ZNRF3: variants seen among roughly 807,000 people sequenced by gnomAD.
ZNRF3 encodes the protein zinc and ring finger 3.
Under a neutral mutation model 72.5 loss-of-function variants are expected in ZNRF3, and 23 were observed. That is an observed-to-expected ratio of 0.32 (90% CI 0.23 to 0.45). The LOEUF is 0.45. Among genes scored for constraint, ZNRF3 ranks in the 20% least tolerant of loss-of-function variants. The pLI, the probability that ZNRF3 is intolerant of heterozygous loss-of-function variation, is 1.00. For synonymous variants in ZNRF3, 610 were observed against 545.3 expected, an observed-to-expected ratio of 1.12 and a Z score of -1.65; for missense variants, 1,169 against 1,272.1, an observed-to-expected ratio of 0.92 and a Z score of 1.23.
chr22:28,883,954 T>C lies in ZNRF3; in HGVS notation c.188T>C (p.Val63Ala). The change falls in exon 1 of 9, where the codon GTG becomes GCG. Residue 63 changes from valine to alanine, a missense_variant. By Grantham distance (64) the Val-to-Ala change is moderately conservative. This residue lies in a region of ZNRF3 where 386 missense variants were observed against 540.7 expected (regional missense o/e 0.71). Coordinates refer to ENST00000544604, the MANE Select transcript of ZNRF3 (RefSeq NM_001206998.2). The surrounding 1 kb of genome is among the most constrained non-coding windows in gnomAD (Gnocchi z 5.5). ...ARAKETAFVE[V>A]VLFESSPSGD... ...GCCAAGGAGACGGCGTTCGTGGAGGTGGTGCTGTTCGAGTCGAGCCCAAGC... is the reference window on the plus strand; with the variant it reads ...GCCAAGGAGACGGCGTTCGTGGAGGCGGTGCTGTTCGAGTCGAGCCCAAGC... The C allele has an allele frequency of 7.8e-7, 1 of 1,283,658 alleles. No individual in the cohort carries two copies. The highest frequency in any genetic ancestry group is 1.0e-6 in the Non-Finnish European group (1 of 995,820). 79.5% of individuals were successfully genotyped at this position (1,283,658 alleles called of 1,614,324 possible).
intron 1 of ZNRF3, among the ~76,000 whole-genome samples, chr22:28,887,465 G>C (rs1279726940): frequency 6.6e-6 from 1 of 151,998 alleles, no homozygotes; most frequent in Non-Finnish European, 1.5e-5. Flanking sequence ...CTTAGGATTC[G>C]TCATCAGGAA....
rs1249386588 is a variant in ZNRF3 at position 29,043,376 on chromosome 22, C to T, written c.579C>T (p.Asn193=). 1.2e-6 allele frequency: 2 copies of T among 1,613,980 alleles called. No individual in the cohort carries two copies. Among genetic ancestry groups the T allele is most frequent in the East Asian group, 2.2e-5 (1 of 44,866 alleles). ...GTGCAGATGCCATTAAGCTGATGAA[C>T]ATCGTCAACAAGCAGAAAGTGGCTC... ...VKGADAIKLM[N]IVNKQKVARA... The change falls in exon 4 of 9, where the codon AAC becomes AAT. Residue 193 remains asparagine, a synonymous_variant. Coordinates refer to ENST00000544604, the MANE Select transcript of ZNRF3 (RefSeq NM_001206998.2).
At position 28,883,913 on chromosome 22, in the gene ZNRF3, G is replaced by A; in HGVS notation, c.147G>A (p.Gly49=). 8.5e-7 allele frequency: 1 copy of A among 1,172,502 alleles called. No homozygotes were observed. Among genetic ancestry groups the A allele is most frequent in the Non-Finnish European group, 1.1e-6 (1 of 934,538 alleles). The allele number at this position is 1,172,502 out of a possible 1,614,324, so 72.6% of individuals were successfully genotyped here. ...LLLGLLLAAA[G]PGAARAKETA... ...TCGGGCTGCTGCTGGCGGCCGCGGG[G>A]CCCGGCGCGGCGCGGGCCAAGGAGA... Residue 49 remains glycine (G), a synonymous_variant, in exon 1 of 9, where the codon GGG becomes GGA. Coordinates refer to ENST00000544604, the MANE Select transcript of ZNRF3 (RefSeq NM_001206998.2). The surrounding 1 kb of genome is among the most constrained non-coding windows in gnomAD (Gnocchi z 5.5).
intron 1 of ZNRF3, among the ~76,000 whole-genome samples, chr22:28,926,465 C>A (rs2034603084): frequency 6.6e-6 from 1 of 151,206 alleles, no homozygotes; most frequent in Non-Finnish European, 1.5e-5. Context: ...GGATTATACA[C>A]ACATCACCCT....
At chr22:28,943,830 TAA>T (rs1471392155) in intron 1 of ZNRF3, among the ~76,000 whole-genome samples, 1 of 152,138 alleles carries the variant, frequency 6.6e-6, no homozygotes, top group African/African-American at 2.4e-5. Context: ...CCCAAAGCAT[TAA>T]GTTTTTGTTT....
chr22:28,883,955 G>A lies in ZNRF3; in HGVS notation c.189G>A (p.Val63=). ...CCAAGGAGACGGCGTTCGTGGAGGT[G>A]GTGCTGTTCGAGTCGAGCCCAAGCG... ...ARAKETAFVE[V]VLFESSPSGD... The change falls in exon 1 of 9, where the codon GTG becomes GTA. Residue 63 remains valine, a synonymous_variant. Transcript: ENST00000544604. The surrounding 1 kb of genome is among the most constrained non-coding windows in gnomAD (Gnocchi z 5.5). The A allele has an allele frequency of 7.8e-7, 1 of 1,289,208 alleles. No homozygotes were observed. The highest frequency in any genetic ancestry group is 2.7e-5 in the Admixed American group (1 of 36,538). 79.9% of individuals were successfully genotyped at this position (1,289,208 alleles called of 1,614,324 possible).
At chr22:29,009,564 T>G (rs1389592066) in intron 2 of ZNRF3, among the ~76,000 whole-genome samples, 1 of 152,226 alleles carries the variant, frequency 6.6e-6, no homozygotes, top group Non-Finnish European at 1.5e-5. Flanking sequence ...TGCTGTGTAT[T>G]ACTGTTCTGT....
Position 29,049,399 on chromosome 22 carries a change from C to T in ZNRF3, c.1218C>T (p.Ser406=). 6.2e-7 allele frequency: 1 copy of T among 1,610,722 alleles called. No homozygotes were observed. The highest frequency in any genetic ancestry group is 1.1e-5 in the South Asian group (1 of 90,974). The part of the protein sequence containing the change: ...LLTMDRHGEQ[S]LYSPQTPAYI... ...CCATGGACCGGCACGGGGAGCAGAGCCTCTATTCCCCGCAGACCCCCGCCT... is the reference window on the plus strand; with the variant it reads ...CCATGGACCGGCACGGGGAGCAGAGTCTCTATTCCCCGCAGACCCCCGCCT... Residue 406 remains serine (S), a synonymous_variant, in exon 8 of 9, where the codon AGC becomes AGT. Coordinates refer to ENST00000544604, the MANE Select transcript of ZNRF3 (RefSeq NM_001206998.2). This position sits in a 1 kb window ranked among gnomAD's most constrained non-coding sequence, Gnocchi z 5.2.
chr22:28,906,141 G>A (rs773207964), intron 1 of ZNRF3, among the ~76,000 whole-genome samples: 8 of 152,198 alleles, frequency 5.3e-5, no homozygotes, highest in Non-Finnish European at 1.0e-4. Context: ...CCTGGGCAAC[G>A]TGGTGAAACC....
rs528436233 is a variant in ZNRF3 at position 28,911,051 on chromosome 22, T to A, written c.300+26985T>A. ...TGGTCTGTCATTTAAGTGGGATCTATTGGATTCAGCCTTTCTGAGCCTCAG... is the reference window on the plus strand; with the variant it reads ...TGGTCTGTCATTTAAGTGGGATCTAATGGATTCAGCCTTTCTGAGCCTCAG... On this transcript the variant is annotated intron_variant, in intron 1 of 8. Transcript: ENST00000544604. 5.3e-5 allele frequency among the ~76,000 whole-genome samples: 8 copies of A among 152,262 alleles called. No individual in the cohort carries two copies. In the South Asian group the frequency reaches 1.7e-3, roughly 32 times the overall value.
At chr22:28,896,388 C>G (rs1375114441) in intron 1 of ZNRF3, among the ~76,000 whole-genome samples, 1 of 152,208 alleles carries the variant, frequency 6.6e-6, no homozygotes, top group African/African-American at 2.4e-5. Flanking sequence ...CCGCCTCGGC[C>G]TCCCAAAGTG....
At chr22:28,925,149 G>A (rs1444396054) in intron 1 of ZNRF3, among the ~76,000 whole-genome samples, 2 of 152,166 alleles carry the variant, frequency 1.3e-5, no homozygotes, top group Non-Finnish European at 2.9e-5. Flanking sequence ...ACAGATAGAT[G>A]AAGAAGCCTG....
chr22:29,016,948 A>G (rs753392071), intron 2 of ZNRF3, among the ~76,000 whole-genome samples: 1 of 152,230 alleles, frequency 6.6e-6, no homozygotes, highest in Non-Finnish European at 1.5e-5. Context: ...TCTGCTCCCT[A>G]TATTCTCTAT....
At chr22:29,015,499 G>C (rs1405034208) in intron 2 of ZNRF3, among the ~76,000 whole-genome samples, 1 of 151,970 alleles carries the variant, frequency 6.6e-6, no homozygotes, top group African/African-American at 2.4e-5. Context: ...GCGAAACCCT[G>C]TCTCTACTAA....
intron 2 of ZNRF3, among the ~76,000 whole-genome samples, chr22:29,040,905 T>C (rs2036950966): frequency 6.6e-6 from 1 of 152,226 alleles, no homozygotes; most frequent in Admixed American, 6.5e-5. Context: ...AGCTGTGTTC[T>C]GGGCAACTTT....
chr22:28,987,335 G>GTCTCAGTCCCCACCTCATGC, intron 2 of ZNRF3, 134 bp downstream of exon 2: 1 of 1,372,856 alleles, frequency 7.3e-7, no homozygotes, highest in Non-Finnish European at 9.7e-7. Context: ...GAAGTTGCAT[G>GTCTCAGTCCCCACCTCATGC]AGGTGGGGAC....
At chr22:28,979,882 TGA>T (rs1429906988) in intron 1 of ZNRF3, among the ~76,000 whole-genome samples, 1 of 152,188 alleles carries the variant, frequency 6.6e-6, no homozygotes, top group Non-Finnish European at 1.5e-5. Flanking sequence ...ACAAAGCATT[TGA>T]GAATCAAAAA....
At chr22:28,976,321 A>C (rs1305836898) in intron 1 of ZNRF3, among the ~76,000 whole-genome samples, 1 of 152,138 alleles carries the variant, frequency 6.6e-6, no homozygotes, top group Non-Finnish European at 1.5e-5. Context: ...CAGGAGTTTG[A>C]GACCAGCCTG....
At chr22:29,035,455 G>A (rs2036850005) in intron 2 of ZNRF3, among the ~76,000 whole-genome samples, 1 of 152,216 alleles carries the variant, frequency 6.6e-6, no homozygotes, top group Non-Finnish European at 1.5e-5. Flanking sequence ...TGTGTAGCTG[G>A]TAAGAAGAAT....
Sources: allele counts gnomAD v4.1 joint callset (sites outside exome capture counted in the v4.1 genomes callset), GRCh38; gene constraint gnomAD v4.1.1; regional missense constraint gnomAD v4.1.1; non-coding constraint Gnocchi (gnomAD v3.1); transcripts MANE v1.5; gene names NCBI Gene and HGNC (gene_info 2026-07-23, HGNC 2026-07-21).